The following LRBA variants were observed in gnomAD, a reference collection of about 807,000 sequenced individuals.
The protein encoded by LRBA is lipopolysaccharide-responsive and beige-like anchor protein.
Under a neutral mutation model 330.0 loss-of-function variants are expected in LRBA, and 176 were observed. The ratio of observed to expected loss-of-function variants is 0.53; its 90% CI spans 0.47 to 0.60. LRBA has a LOEUF of 0.60. LRBA is among the 20% of genes least tolerant of loss of function. LRBA has a pLI of 0.00. For missense variants in LRBA, 3,259 were observed against 3,444.8 expected (o/e 0.95, Z 1.35); for synonymous variants, 1,230 against 1,193.0 (o/e 1.03, Z -0.64).
chr4:150,968,522 C>T (rs1156571323), intron 2 of LRBA, among the ~76,000 whole-genome samples: 1 of 152,172 alleles, frequency 6.6e-6, no homozygotes, highest in Non-Finnish European at 1.5e-5. Context: ...TCACAACGTT[C>T]CCTTAGGCCA....
Position 150,321,263 on chromosome 4 carries a change from A to T in LRBA, c.7558T>A (p.Leu2520Met). ...ACTGTGATCACAGCGGGAGTTGCCA[A>T]ACCAGGCTGGGTGTTGGCTGCCACG... ...THVAANTQPG[L>M]ATPAVITVTA... The change falls in exon 50 of 57, where the codon TTG becomes ATG. Residue 2520 changes from leucine to methionine, a missense_variant. Leu to Met is a conservative substitution (Grantham distance 15, BLOSUM62 2). Transcript: ENST00000651943. This position sits in a 1 kb window ranked among gnomAD's most constrained non-coding sequence, Gnocchi z 4.5. 6.2e-7 allele frequency: 1 copy of T among 1,612,622 alleles called. No individual in the cohort carries two copies. The highest frequency in any genetic ancestry group is 1.1e-5 in the South Asian group (1 of 90,754).
chr4:150,964,358 C>G lies in LRBA; in HGVS notation c.217-35293G>C, dbSNP rs574834766. On this transcript the variant is annotated intron_variant, in intron 2 of 56. Coordinates refer to ENST00000651943, the MANE Select transcript of LRBA (RefSeq NM_001364905.1). ...GCTCATTGAGAACGGGCCATGATGA[C>G]GATGGCGGTTTTGTCGAATAGAAAA... Among the ~76,000 whole-genome samples, 43 of 149,730 alleles carry G rather than the reference C, an allele frequency of 2.9e-4. 1 individual carries two copies. The highest frequency in any genetic ancestry group is 2.6e-3 in the Admixed American group (40 of 15,240).
At chr4:150,876,748 A>AC (rs1448088305) in intron 17 of LRBA, among the ~76,000 whole-genome samples, 1 of 152,214 alleles carries the variant, frequency 6.6e-6, no homozygotes, top group Admixed American at 6.5e-5. Context: ...AACACTTACT[A>AC]CCACAAAAAT....
chr4:150,768,433 C>G (rs962123335), intron 34 of LRBA, among the ~76,000 whole-genome samples: 1 of 152,060 alleles, frequency 6.6e-6, no homozygotes, highest in African/African-American at 2.4e-5. Flanking sequence ...TGCTGTGTAG[C>G]CATCCTACCA....
chr4:150,557,505 T>TC (rs1011232994), intron 40 of LRBA, among the ~76,000 whole-genome samples: 29 of 151,986 alleles, frequency 1.9e-4, no homozygotes, highest in African/African-American at 6.3e-4. Context: ...TTTTTTTTTT[T>TC]CTTGTCCCAA....
chr4:150,828,661 AG>A (rs772758163), intron 29 of LRBA, 40 bp from the exon 30 acceptor site: 2 of 1,506,786 alleles, frequency 1.3e-6, no homozygotes, highest in South Asian at 2.5e-5. Context: ...AACAAACAAA[AG>A]TTTAGAACTA....
intron 36 of LRBA, among the ~76,000 whole-genome samples, chr4:150,690,201 C>T (rs980510360): frequency 6.6e-6 from 1 of 151,644 alleles, no homozygotes. Flanking sequence ...GATTCTAAAA[C>T]ACATATAAAA....
chr4:150,768,333 T>C (rs1184053398), intron 34 of LRBA, among the ~76,000 whole-genome samples: 1 of 152,004 alleles, frequency 6.6e-6, no homozygotes, highest in Non-Finnish European at 1.5e-5. Flanking sequence ...AAGCTAGGAA[T>C]TGAAGGCACT....
At chr4:150,666,099 A>G (rs1781531545) in intron 37 of LRBA, among the ~76,000 whole-genome samples, 1 of 152,152 alleles carries the variant, frequency 6.6e-6, no homozygotes, top group African/African-American at 2.4e-5. Context: ...GGGTAGGAAA[A>G]AATCTCTAGA....
intron 2 of LRBA, among the ~76,000 whole-genome samples, chr4:151,003,508 C>A (rs990546698): frequency 6.6e-6 from 1 of 151,792 alleles, no homozygotes; most frequent in African/African-American, 2.4e-5. Context: ...CACTACTTGA[C>A]AAGATGTATA....
At chr4:150,314,045 G>A (rs571449744) in intron 51 of LRBA, among the ~76,000 whole-genome samples, 224 of 151,718 alleles carry the variant, frequency 1.5e-3, no homozygotes, top group Admixed American at 2.8e-3. Context: ...CAGATTAGAG[G>A]TGCTCAACCT....
chr4:150,998,366 AAAAG>A (rs1254106183), intron 2 of LRBA, among the ~76,000 whole-genome samples: 3 of 151,634 alleles, frequency 2.0e-5, no homozygotes, highest in African/African-American at 7.3e-5. Context: ...AAAAAAAAAA[AAAAG>A]AGAGATAGGG....
intron 47 of LRBA, among the ~76,000 whole-genome samples, chr4:150,363,530 T>C (rs1739017332): frequency 6.6e-6 from 1 of 152,244 alleles, no homozygotes; most frequent in African/African-American, 2.4e-5. Flanking sequence ...ATTTATTATC[T>C]ATTTCCCTTA....
At chr4:150,330,833 A>G (rs1367801634) in intron 48 of LRBA, among the ~76,000 whole-genome samples, 1 of 152,108 alleles carries the variant, frequency 6.6e-6, no homozygotes, top group East Asian at 1.9e-4. Flanking sequence ...ACAACAAAAA[A>G]TTTACTGAGT....
chr4:150,774,239 C>G (rs571943140), intron 34 of LRBA, among the ~76,000 whole-genome samples: 1 of 152,324 alleles, frequency 6.6e-6, no homozygotes, highest in East Asian at 1.9e-4. Context: ...CCAGAGGACT[C>G]TGTGACTATG....
At chr4:150,819,861 C>T (rs1745168846) in intron 30 of LRBA, among the ~76,000 whole-genome samples, 1 of 151,962 alleles carries the variant, frequency 6.6e-6, no homozygotes, top group African/African-American at 2.4e-5. Flanking sequence ...ATTTATTGTC[C>T]AAGATCTTTC....
intron 56 of LRBA, among the ~76,000 whole-genome samples, chr4:150,268,150 A>ATT (rs2126693740): frequency 6.6e-6 from 1 of 152,318 alleles, no homozygotes; most frequent in African/African-American, 2.4e-5. Flanking sequence ...CAGAGAGACT[A>ATT]TTAGAAACAA....
intron 2 of LRBA, among the ~76,000 whole-genome samples, chr4:150,986,584 C>A (rs1157062520): frequency 6.6e-6 from 1 of 152,184 alleles, no homozygotes; most frequent in Non-Finnish European, 1.5e-5. Context: ...AAGTAGACTG[C>A]TATCCCAACT....
chr4:150,304,282 T>C (rs1730074667), intron 52 of LRBA, among the ~76,000 whole-genome samples: 1 of 152,080 alleles, frequency 6.6e-6, no homozygotes, highest in Non-Finnish European at 1.5e-5. Flanking sequence ...TATAAGATAA[T>C]ATTTACATTA....
Sources: gnomAD v4.1 joint callset for allele counts (sites outside exome capture counted in the v4.1 genomes callset) on GRCh38, gnomAD v4.1.1 for gene constraint, Gnocchi (gnomAD v3.1) non-coding constraint, MANE v1.5 for transcripts, NCBI Gene and HGNC (gene_info 2026-07-23, HGNC 2026-07-21) for gene names.